Variants in CCDC167 observed in about 807,000 individuals in gnomAD.
The protein encoded by CCDC167 is coiled-coil domain-containing protein 167.
CCDC167 carries 15 observed loss-of-function variants against 12.7 expected under a neutral mutation model. The observed-to-expected ratio is 1.18, with a 90% CI of 0.79 to 1.81. The LOEUF (loss-of-function observed/expected upper bound fraction) is 1.81. Ranked by LOEUF, CCDC167 falls within the 40% of genes most tolerant of loss-of-function variation. The pLI is 0.00. For synonymous variants in CCDC167, 52 were observed against 49.0 expected (o/e 1.06, Z -0.26); for missense variants, 121 against 120.1 (o/e 1.01, Z -0.03).
At chr6:37,491,597 C>T (rs1442711752) in intron 1 of CCDC167, among the ~76,000 whole-genome samples, 6 of 152,302 alleles carry the variant, frequency 3.9e-5, no homozygotes, top group Admixed American at 2.0e-4. Flanking sequence ...CAATAAAGAG[C>T]GTGGTGCCAG....
intron 1 of CCDC167, among the ~76,000 whole-genome samples, chr6:37,497,169 C>T (rs1417158543): frequency 1.3e-5 from 2 of 152,212 alleles, no homozygotes; most frequent in East Asian, 3.8e-4. Flanking sequence ...TTACATATTC[C>T]TTCATTTACA....
At chr6:37,485,746 T>C (rs774558526) in intron 1 of CCDC167, among the ~76,000 whole-genome samples, 6 of 152,238 alleles carry the variant, frequency 3.9e-5, no homozygotes, top group Non-Finnish European at 5.9e-5. Flanking sequence ...GTAGTCCAAG[T>C]TGTAAAAATA....
chr6:37,499,607 A>G (rs1022957762), intron 1 of CCDC167, among the ~76,000 whole-genome samples: 1 of 151,928 alleles, frequency 6.6e-6, no homozygotes, highest in African/African-American at 2.4e-5. Flanking sequence ...TGCCCTCTCC[A>G]GAGAGTCTGG....
chr6:37,490,759 C>T (rs964735144), intron 1 of CCDC167, among the ~76,000 whole-genome samples: 4 of 152,122 alleles, frequency 2.6e-5, no homozygotes, highest in East Asian at 1.9e-4. Flanking sequence ...CAAGTAGGGC[C>T]GTCAATCCTG....
At chr6:37,498,031 A>T (rs1202559457) in intron 1 of CCDC167, among the ~76,000 whole-genome samples, 1 of 152,062 alleles carries the variant, frequency 6.6e-6, no homozygotes, top group East Asian at 1.9e-4. Flanking sequence ...ACTGCGAGCG[A>T]CTCAATTTTT....
chr6:37,483,098 C>T lies in CCDC167; in HGVS notation c.*88G>A, dbSNP rs765130399. ...GGTTGGGAGGGGAACACCCCAGCAC[C>T]TTGGTCCTATTGAGGCTTGAAGTGC... On this transcript the variant is annotated 3_prime_UTR_variant, in exon 4 of 4. Coordinates refer to ENST00000373408, the MANE Select transcript of CCDC167 (RefSeq NM_138493.3). The T allele has an allele frequency of 1.9e-6, 2 of 1,036,776 alleles. No homozygotes were observed. The highest frequency in any genetic ancestry group is 3.0e-6 in the Non-Finnish European group (2 of 658,200). 64.2% of individuals were successfully genotyped at this position (1,036,776 alleles called of 1,614,324 possible). A position where few individuals can be genotyped will look rare whatever the true frequency, so the allele number is the denominator to read the frequency against.
At chr6:37,495,690 G>A (rs2113910072) in intron 1 of CCDC167, among the ~76,000 whole-genome samples, 2 of 152,292 alleles carry the variant, frequency 1.3e-5, no homozygotes, top group East Asian at 3.9e-4. Context: ...GCTGGCCCAA[G>A]CCAGCCCTAA....
chr6:37,485,805 C>T (rs1338504125), intron 1 of CCDC167, among the ~76,000 whole-genome samples: 2 of 152,192 alleles, frequency 1.3e-5, no homozygotes, highest in African/African-American at 4.8e-5. Flanking sequence ...TGCTCAAAAA[C>T]ACCTTTCTTC....
intron 3 of CCDC167, among the ~76,000 whole-genome samples, chr6:37,483,574 G>A (rs148726002): frequency 2.0e-5 from 3 of 152,308 alleles, no homozygotes; most frequent in Non-Finnish European, 1.5e-5. Flanking sequence ...CACCAAAAAT[G>A]CCACACCTGA....
intron 3 of CCDC167, among the ~76,000 whole-genome samples, chr6:37,484,602 C>T (rs1392725857): frequency 2.0e-5 from 3 of 152,334 alleles, no homozygotes; most frequent in South Asian, 2.1e-4. Context: ...GACCCACAGG[C>T]GGTCTCATCC....
chr6:37,489,257 A>AAACAAAC (rs368831052), intron 1 of CCDC167, among the ~76,000 whole-genome samples: 44 of 145,060 alleles, frequency 3.0e-4, no homozygotes, highest in Middle Eastern at 6.9e-3. Flanking sequence ...AACAAACAAA[A>AAACAAAC]AAAAACAGCA....
intron 3 of CCDC167, among the ~76,000 whole-genome samples, chr6:37,484,327 C>T (rs969738616): frequency 1.3e-5 from 2 of 152,248 alleles, no homozygotes; most frequent in African/African-American, 2.4e-5. Context: ...TCTGGCGCCC[C>T]GCCGGGCCTG....
chr6:37,492,318 G>A (rs1436512127), intron 1 of CCDC167, among the ~76,000 whole-genome samples: 1 of 151,920 alleles, frequency 6.6e-6, no homozygotes, highest in African/African-American at 2.4e-5. Context: ...TGCTGATCTG[G>A]CTTCAACAGA....
chr6:37,489,983 C>A (rs890211074), intron 1 of CCDC167, among the ~76,000 whole-genome samples: 1 of 152,194 alleles, frequency 6.6e-6, no homozygotes, highest in Admixed American at 6.5e-5. Flanking sequence ...AAGAACCACC[C>A]GTGCATTATA....
chr6:37,490,676 A>G (rs1183602480), intron 1 of CCDC167, among the ~76,000 whole-genome samples: 4 of 152,088 alleles, frequency 2.6e-5, no homozygotes, highest in Admixed American at 6.5e-5. Context: ...GAGAAGATCT[A>G]AAGTCAGCCC....
intron 1 of CCDC167, among the ~76,000 whole-genome samples, chr6:37,496,795 A>G (rs1762103246): frequency 6.6e-6 from 1 of 152,238 alleles, no homozygotes; most frequent in Admixed American, 6.5e-5. Context: ...CTCCATAGTA[A>G]GCAAACAGTA....
chr6:37,493,385 C>A (rs1223118233), intron 1 of CCDC167, among the ~76,000 whole-genome samples: 3 of 152,242 alleles, frequency 2.0e-5, no homozygotes, highest in Non-Finnish European at 2.9e-5. Context: ...GCTCAAAGCA[C>A]TTTTCAAGAA....
Position 37,499,890 on chromosome 6 carries a change from C to T in CCDC167, c.-27G>A. 1 of 1,613,852 alleles carries T rather than the reference C, an allele frequency of 6.2e-7. No homozygotes were observed. The highest frequency in any genetic ancestry group is 8.5e-7 in the Non-Finnish European group (1 of 1,179,788). On this transcript the variant is annotated 5_prime_UTR_variant, in exon 1 of 4. Transcript: ENST00000373408. ...TTACTTGCCGGGATCCCCCAGTCAT[C>T]ACTGGACGCGCCCACCAAGTCGCTA...
chr6:37,485,467 C>A (rs554194132), intron 1 of CCDC167, among the ~76,000 whole-genome samples: 54 of 152,382 alleles, frequency 3.5e-4, no homozygotes, highest in Non-Finnish European at 6.2e-4. Flanking sequence ...CTGTCCCAGC[C>A]CTCTGGGCCA....
Sources: allele counts gnomAD v4.1 joint callset (sites outside exome capture counted in the v4.1 genomes callset), GRCh38; gene constraint gnomAD v4.1.1; transcripts MANE v1.5; gene names NCBI Gene and HGNC (gene_info 2026-07-23, HGNC 2026-07-21).